Variants in PLPP4 observed in about 807,000 individuals in gnomAD.
PLPP4 encodes the protein diacylglycerol pyrophosphate like 2.
Under a neutral mutation model 32.2 loss-of-function variants are expected in PLPP4, and 20 were observed. The observed-to-expected ratio is 0.62, with a 90% CI of 0.44 to 0.90. The LOEUF (loss-of-function observed/expected upper bound fraction) is 0.90. PLPP4 is among the 40% of genes least tolerant of loss of function. PLPP4 has a pLI of 0.00. For missense variants in PLPP4, 257 were observed against 353.1 expected (o/e 0.73, Z 2.18); for synonymous variants, 127 against 133.0 (o/e 0.95, Z 0.31).
At chr10:120,561,355 A>G (rs1848424395) in intron 5 of PLPP4, among the ~76,000 whole-genome samples, 1 of 152,114 alleles carries the variant, frequency 6.6e-6, no homozygotes, top group South Asian at 2.1e-4. Context: ...TTTTTTCCAT[A>G]TGGATACCGG....
intron 1 of PLPP4, among the ~76,000 whole-genome samples, chr10:120,476,815 T>C (rs1420628706): frequency 4.6e-5 from 7 of 152,068 alleles, no homozygotes; most frequent in Non-Finnish European, 1.0e-4. Context: ...GCTAGCAGAG[T>C]AGTACCTGGC....
At chr10:120,458,111 C>T (rs1449006420) in intron 1 of PLPP4, among the ~76,000 whole-genome samples, 1 of 152,040 alleles carries the variant, frequency 6.6e-6, no homozygotes, top group Admixed American at 6.5e-5. Context: ...CTCCTCCGTG[C>T]GCCCAGGGAC....
At chr10:120,552,752 C>T (rs138301321) in intron 5 of PLPP4, among the ~76,000 whole-genome samples, 85 of 152,302 alleles carry the variant, frequency 5.6e-4, no homozygotes, top group Non-Finnish European at 1.1e-3. Context: ...AACTAACTTT[C>T]ACCACTGAGC....
intron 1 of PLPP4, among the ~76,000 whole-genome samples, chr10:120,485,151 G>A (rs1185992195): frequency 6.6e-6 from 1 of 152,228 alleles, no homozygotes; most frequent in African/African-American, 2.4e-5. Flanking sequence ...TCCAGAACTT[G>A]TGTTACTTAA....
At chr10:120,586,978 A>G (rs1244540164) in intron 6 of PLPP4, among the ~76,000 whole-genome samples, 1 of 152,208 alleles carries the variant, frequency 6.6e-6, no homozygotes, top group Non-Finnish European at 1.5e-5. Context: ...AAATATGAAT[A>G]GAAATGACAT....
In PLPP4 at chr10:120,591,347, A is replaced by G. The variant is rs555276724; in HGVS notation, c.*1845A>G. Among the ~76,000 whole-genome samples, 18 of 152,164 alleles carry G rather than the reference A, an allele frequency of 1.2e-4. No individual in the cohort carries two copies. The South Asian group carries it at 3.7e-3, about 32-fold the overall frequency. ...GATTGTCCCCTGGATGGAGTGGGAGAGGGGGAGGCTTGAATTGACTTTCAT... is the reference window on the plus strand; with the variant it reads ...GATTGTCCCCTGGATGGAGTGGGAGGGGGGGAGGCTTGAATTGACTTTCAT... On this transcript the variant is annotated 3_prime_UTR_variant, in exon 7 of 7. Transcript: ENST00000398250.
In PLPP4 at chr10:120,592,007, C is replaced by T. The variant is rs1850005177; in HGVS notation, c.*2505C>T. Reference sequence around the variant, plus strand: ...GATCCTTATGTTTCAATTTCATGCTCTATTCACGTGAAGTAAATATAACAT... The same window carrying T: ...GATCCTTATGTTTCAATTTCATGCTTTATTCACGTGAAGTAAATATAACAT... On this transcript the variant is annotated 3_prime_UTR_variant, in exon 7 of 7. Coordinates refer to ENST00000398250, the MANE Select transcript of PLPP4 (RefSeq NM_001030059.3). 6.6e-6 allele frequency among the ~76,000 whole-genome samples: 1 copy of T among 152,152 alleles called. No individual in the cohort carries two copies. Among genetic ancestry groups the T allele is most frequent in the Admixed American group, 6.5e-5 (1 of 15,282 alleles).
intron 1 of PLPP4, among the ~76,000 whole-genome samples, chr10:120,492,649 A>G (rs866032497): frequency 3.3e-5 from 5 of 152,180 alleles, no homozygotes; most frequent in Non-Finnish European, 5.9e-5. Flanking sequence ...CACCATGAGT[A>G]AGAGGCAAAG....
At chr10:120,479,484 T>C (rs1844101626) in intron 1 of PLPP4, among the ~76,000 whole-genome samples, 1 of 152,228 alleles carries the variant, frequency 6.6e-6, no homozygotes, top group South Asian at 2.1e-4. Flanking sequence ...ATGGCATTTA[T>C]TGCGATCTGA....
chr10:120,501,959 A>G (rs144177802), intron 1 of PLPP4, among the ~76,000 whole-genome samples: 1 of 152,246 alleles, frequency 6.6e-6, no homozygotes, highest in East Asian at 1.9e-4. Context: ...GGCAGAGAGC[A>G]GAGGGGCAGA....
rs114019819 is a variant in PLPP4 at position 120,466,765 on chromosome 10, C to G, written c.56+9404C>G. Among the ~76,000 whole-genome samples the G allele has an allele frequency of 5.3e-5, 8 of 151,468 alleles. No individual in the cohort carries two copies. The South Asian group carries it at 1.7e-3, about 31-fold the overall frequency. ...TCCTCGTCTGTTAAACGGGTACACT[C>G]TCTCACCTCCTAGGGAGCTTGTAAA... On this transcript the variant is annotated intron_variant, in intron 1 of 6. Transcript: ENST00000398250.
At chr10:120,533,943 A>T (rs992275922) in intron 5 of PLPP4, among the ~76,000 whole-genome samples, 1 of 152,196 alleles carries the variant, frequency 6.6e-6, no homozygotes, top group Non-Finnish European at 1.5e-5. Context: ...TGTAGGAACA[A>T]CAATGCAATT....
At chr10:120,481,068 C>T (rs868167014) in intron 1 of PLPP4, among the ~76,000 whole-genome samples, 1 of 152,206 alleles carries the variant, frequency 6.6e-6, no homozygotes, top group East Asian at 1.9e-4. Flanking sequence ...AGACGCTCCA[C>T]CCTGAGCTAT....
At chr10:120,569,005 A>T (rs1238436624) in intron 5 of PLPP4, among the ~76,000 whole-genome samples, 1 of 152,120 alleles carries the variant, frequency 6.6e-6, no homozygotes, top group Non-Finnish European at 1.5e-5. Context: ...TTGGGAGGCC[A>T]AGGTGGGTGG....
chr10:120,471,387 TA>T (rs1311479053), intron 1 of PLPP4, among the ~76,000 whole-genome samples: 1 of 152,004 alleles, frequency 6.6e-6, no homozygotes, highest in Non-Finnish European at 1.5e-5. Context: ...CCTTCTTTTT[TA>T]CTTTAGTAAT....
intron 1 of PLPP4, among the ~76,000 whole-genome samples, chr10:120,464,318 C>T (rs1848216822): frequency 6.6e-6 from 1 of 152,170 alleles, no homozygotes; most frequent in Non-Finnish European, 1.5e-5. Flanking sequence ...CAGTATCCAG[C>T]TCATTGTAGG....
intron 5 of PLPP4, among the ~76,000 whole-genome samples, chr10:120,535,660 A>G (rs1389351714): frequency 6.6e-6 from 1 of 152,136 alleles, no homozygotes; most frequent in East Asian, 1.9e-4. Flanking sequence ...TATGATTAGC[A>G]TGTCTTCTTG....
chr10:120,520,902 G>T lies in PLPP4; in HGVS notation c.321-69G>T. On this transcript the variant is annotated intron_variant, in intron 4 of 6. Transcript: ENST00000398250. ...AGAGCTGGGGGCAGTGGGGAGTTGG[G>T]GGGGTCAGCTTGGGGTCATTTGTGA... is the stretch of plus-strand genomic sequence containing the variant. 5.0e-6 allele frequency: 8 copies of T among 1,589,310 alleles called. 1 individual carries two copies. The South Asian group carries it at 9.2e-5, about 18-fold the overall frequency.
intron 1 of PLPP4, among the ~76,000 whole-genome samples, chr10:120,473,954 C>T (rs540095574): frequency 1.2e-4 from 18 of 152,238 alleles, no homozygotes; most frequent in African/African-American, 3.4e-4. Flanking sequence ...AATGTGAGAA[C>T]GAACTGATAT....
Sources: gnomAD v4.1 joint callset for allele counts (sites outside exome capture counted in the v4.1 genomes callset) on GRCh38, gnomAD v4.1.1 for gene constraint, MANE v1.5 for transcripts, NCBI Gene and HGNC (gene_info 2026-07-23, HGNC 2026-07-21) for gene names.